Variants in USP12 observed in about 807,000 individuals in gnomAD.
The protein encoded by USP12 is ubiquitin carboxyl-terminal hydrolase 12.
In USP12, 19 loss-of-function variants were observed where a neutral mutation model predicts 45.5. The ratio of observed to expected loss-of-function variants is 0.42; its 90% CI spans 0.29 to 0.61. USP12 has a LOEUF of 0.61. Ranked by LOEUF, USP12 falls within the 20% of genes least tolerant of loss-of-function variation. The probability of loss-of-function intolerance (pLI) is 0.22; values close to 1 mark genes in which losing one functional copy is unlikely to be tolerated. For synonymous variants in USP12, 149 were observed against 148.8 expected (o/e 1.00, Z -0.01); for missense variants, 242 against 447.7 (o/e 0.54, Z 4.15).
chr13:27,148,124 T>C (rs950140984), intron 1 of USP12, among the ~76,000 whole-genome samples: 7 of 88,432 alleles, frequency 7.9e-5, no homozygotes, highest in Admixed American at 3.0e-4. Flanking sequence ...GCGAGACCTA[T>C]CTCAAAAAAA....
At chr13:27,069,408 A>T (rs192358237) in intron 8 of USP12, 24 bp from the exon 9 acceptor site, 1 of 1,549,076 alleles carries the variant, frequency 6.5e-7, no homozygotes, top group Non-Finnish European at 8.9e-7. Context: ...TGTAAACATT[A>T]GTACATAAAT....
intron 1 of USP12, among the ~76,000 whole-genome samples, chr13:27,153,903 T>TTAC (rs1199955564): frequency 6.6e-6 from 1 of 152,192 alleles, no homozygotes; most frequent in African/African-American, 2.4e-5. Flanking sequence ...GGCTCTATGT[T>TTAC]TCATCCTATT....
At chr13:27,074,131 T>C (rs1873366354) in intron 7 of USP12, among the ~76,000 whole-genome samples, 3 of 152,222 alleles carry the variant, frequency 2.0e-5, no homozygotes. Context: ...CCGGGCGCGG[T>C]GGCTCACGCG....
intron 2 of USP12, among the ~76,000 whole-genome samples, chr13:27,107,659 C>A (rs2137788542): frequency 6.6e-6 from 1 of 152,260 alleles, no homozygotes; most frequent in African/African-American, 2.4e-5. Context: ...TCTAAACACC[C>A]TTTTCCCATC....
At chr13:27,139,844 G>T (rs764087757) in intron 1 of USP12, among the ~76,000 whole-genome samples, 4 of 152,136 alleles carry the variant, frequency 2.6e-5, no homozygotes, top group African/African-American at 7.2e-5. Flanking sequence ...CTAAGGACAG[G>T]TGATACAAAG....
Position 27,118,517 on chromosome 13 carries a change from T to C in USP12, c.49-1921A>G, listed in dbSNP as rs114351528. On this transcript the variant is annotated intron_variant, in intron 1 of 8. Transcript: ENST00000282344. ...AATCCACTAAAAATTGATGGGAATA[T>C]TGCAAGCCCTACTACCCCTCACCCT... Among the ~76,000 whole-genome samples, 452 of 152,270 alleles carry C rather than the reference T, an allele frequency of 3.0e-3. 2 individuals carry two copies. The highest frequency in any genetic ancestry group is 0.011 in the African/African-American group (437 of 41,540).
chr13:27,150,622 C>T (rs1159851694), intron 1 of USP12, among the ~76,000 whole-genome samples: 1 of 152,118 alleles, frequency 6.6e-6, no homozygotes, highest in African/African-American at 2.4e-5. Flanking sequence ...CCCAGTGGCT[C>T]ACCTGTGTAA....
intron 1 of USP12, 110 bp from the exon 2 acceptor site, chr13:27,116,706 A>C (rs1477451638): frequency 3.2e-6 from 3 of 947,224 alleles, no homozygotes; most frequent in Non-Finnish European, 4.7e-6. Context: ...ATTACGATGG[A>C]GCTGCCCTAC....
chr13:27,085,662 C>T (rs917195689), intron 6 of USP12, among the ~76,000 whole-genome samples: 1 of 151,582 alleles, frequency 6.6e-6, no homozygotes, highest in African/African-American at 2.4e-5. Context: ...ATACTAGATC[C>T]TAATGAGAAA....
At chr13:27,101,374 T>C (rs368520010) in intron 3 of USP12, among the ~76,000 whole-genome samples, 2 of 152,240 alleles carry the variant, frequency 1.3e-5, no homozygotes, top group South Asian at 2.1e-4. Flanking sequence ...ATGGTTTGCT[T>C]TCTTCTTTGC....
chr13:27,149,721 A>G (rs546387472), intron 1 of USP12, among the ~76,000 whole-genome samples: 1 of 152,356 alleles, frequency 6.6e-6, no homozygotes, highest in East Asian at 1.9e-4. Context: ...ACAGTCCCCA[A>G]CCTTTTCGGC....
chr13:27,153,252 A>C (rs1230880333), intron 1 of USP12, among the ~76,000 whole-genome samples: 1 of 152,102 alleles, frequency 6.6e-6, no homozygotes, highest in Non-Finnish European at 1.5e-5. Context: ...GGTTGCAGTG[A>C]GCCAAGATCG....
intron 1 of USP12, among the ~76,000 whole-genome samples, chr13:27,153,554 T>A (rs1877681242): frequency 6.6e-6 from 1 of 152,216 alleles, no homozygotes; most frequent in Non-Finnish European, 1.5e-5. Flanking sequence ...CTATCATCCA[T>A]TAATCGGTAC....
intron 2 of USP12, among the ~76,000 whole-genome samples, chr13:27,107,176 T>G (rs1177415927): frequency 6.6e-6 from 1 of 152,020 alleles, no homozygotes; most frequent in Non-Finnish European, 1.5e-5. Flanking sequence ...AATACAAAAA[T>G]TAGCTAGGCA....
chr13:27,073,722 G>T (rs1873347560), intron 7 of USP12, among the ~76,000 whole-genome samples: 1 of 152,190 alleles, frequency 6.6e-6, no homozygotes, highest in Non-Finnish European at 1.5e-5. Context: ...TTTGTTAATA[G>T]AACAGTAGCA....
chr13:27,171,626 AT>A lies in USP12; in HGVS notation c.13del (p.Met5Ter). On this transcript the variant is annotated frameshift_variant, in exon 1 of 9. Transcript: ENST00000282344. LOFTEE classifies it high-confidence loss of function. MEILMTVSKFASICT... is the reference protein window; with the variant it reads MEILXTVSKFASICT... ...GATGGAGGCGAATTTGGAGACTGTC[AT>A]TAGGATTTCCATCCGGCCAGCGCCA... 7.7e-7 allele frequency: 1 copy of A among 1,293,886 alleles called. No individual in the cohort carries two copies. Among genetic ancestry groups the A allele is most frequent in the South Asian group, 1.3e-5 (1 of 77,538 alleles). The allele number at this position is 1,293,886 out of a possible 1,614,324, so 80.2% of individuals were successfully genotyped here.
rs202083728 is a variant in USP12, at chr13:27,071,141, T to C, written c.941A>G (p.Asn314Ser). 71 of 1,603,346 alleles carry C rather than the reference T, an allele frequency of 4.4e-5. No homozygotes were observed. Among genetic ancestry groups the C allele is most frequent in the African/African-American group, 3.2e-4 (24 of 74,546 alleles). ...AACTATTGCAATATAATGGCCTCGA[T>C]TGGGACCACTAAAACAAACGAAGAA... ...AVVVHCGSGP[N>S]RGHYIAIVKS... The change falls in exon 8 of 9, where the codon AAT becomes AGT. Residue 314 changes from asparagine (N) to serine (S), a missense_variant. This residue lies in a region of USP12 where 94 missense variants were observed against 168.3 expected (regional missense o/e 0.56). Transcript: ENST00000282344.
rs1283823575 is a variant in USP12 at position 27,095,489 on chromosome 13, ATACC to A, written c.573+108_573+111del. The stretch of plus-strand genomic sequence containing the variant: ...ACTGAAAAATACATCTTTAACTCCT[ATACC>A]TAAGAATTACAACTTTCAAGTTCAT... On this transcript the variant is annotated intron_variant, in intron 4 of 8. Transcript: ENST00000282344. The A allele has an allele frequency of 1.6e-5, 12 of 762,644 alleles. No homozygotes were observed. The African/African-American group carries it at 2.1e-4, about 14-fold the overall frequency. The allele number at this position is 762,644 out of a possible 1,614,324, so 47.2% of individuals were successfully genotyped here.
intron 1 of USP12, among the ~76,000 whole-genome samples, chr13:27,164,404 G>A (rs1878256627): frequency 6.6e-6 from 1 of 152,162 alleles, no homozygotes; most frequent in Non-Finnish European, 1.5e-5. Context: ...CTCTTCTTTA[G>A]ACATAACATA....
Sources: allele counts gnomAD v4.1 joint callset (sites outside exome capture counted in the v4.1 genomes callset), GRCh38; gene constraint gnomAD v4.1.1; regional missense constraint gnomAD v4.1.1; transcripts MANE v1.5; gene names NCBI Gene and HGNC (gene_info 2026-07-23, HGNC 2026-07-21).